Variants in EPCAM observed in about 807,000 individuals in gnomAD.
EPCAM encodes adenocarcinoma-associated antigen.
A neutral mutation model predicts 40.0 loss-of-function variants in EPCAM; 39 were observed. That is an observed-to-expected ratio of 0.98 (90% CI 0.76 to 1.27). The LOEUF is 1.27. Among genes scored for constraint, EPCAM ranks in the 50% most tolerant of loss-of-function variants. EPCAM has a pLI of 0.00. For missense variants in EPCAM, 503 were observed against 381.2 expected (o/e 1.32, Z -2.66); for synonymous variants, 168 against 132.3 (o/e 1.27, Z -1.85).
At chr2:47,377,816 T>G (rs1482766184) in intron 5 of EPCAM, 2 of 451,652 alleles carry the variant, frequency 4.4e-6, no homozygotes, top group Non-Finnish European at 9.0e-6. Context: ...TAGCCCTTAC[T>G]TAACTCTTTA....
At chr2:47,386,446 C>T (rs766245973) in intron 8 of EPCAM, 126 bp from the exon 9 acceptor site, 32 of 699,632 alleles carry the variant, frequency 4.6e-5, no homozygotes, top group Non-Finnish European at 7.4e-5. Flanking sequence ...TTAAATAAGT[C>T]TTATAAATGT....
intron 4 of EPCAM, among the ~76,000 whole-genome samples, chr2:47,375,685 A>T (rs1671404368): frequency 6.6e-6 from 1 of 151,176 alleles, no homozygotes; most frequent in Non-Finnish European, 1.5e-5. Context: ...AAACCACTAT[A>T]CAACGATCAA....
In EPCAM at chr2:47,373,941, G is replaced by GGCCAAAAGA; in HGVS notation, c.323_324insAAGAGCCAA (p.Lys108_Gln109insArgAlaLys). On this transcript the variant is annotated inframe_insertion, in exon 3 of 9. Coordinates refer to ENST00000263735, the MANE Select transcript of EPCAM (RefSeq NM_002354.3). ...ACTGCGATGAGAGCGGGCTCTTTAA[G>GGCCAAAAGA]GCCAAGCAGTGCAACGGCACCTCCA... is the stretch of plus-strand genomic sequence containing the variant. The GGCCAAAAGA allele has an allele frequency of 6.2e-7, 1 of 1,614,070 alleles. No homozygotes were observed. The highest frequency in any genetic ancestry group is 1.1e-5 in the South Asian group (1 of 91,080).
intron 7 of EPCAM, among the ~76,000 whole-genome samples, chr2:47,382,684 C>G (rs1320965136): frequency 2.0e-5 from 3 of 152,174 alleles, no homozygotes; most frequent in Middle Eastern, 3.4e-3. Flanking sequence ...AAAACTCTGT[C>G]TCAAAAAATG....
chr2:47,382,406 G>C (rs2103763618), intron 7 of EPCAM, among the ~76,000 whole-genome samples: 1 of 152,338 alleles, frequency 6.6e-6, no homozygotes, highest in African/African-American at 2.4e-5. Flanking sequence ...GGTGAATCTG[G>C]CCAGGCGTGG....
At chr2:47,371,640 G>C (rs892276381) in intron 1 of EPCAM, among the ~76,000 whole-genome samples, 1 of 152,188 alleles carries the variant, frequency 6.6e-6, no homozygotes, top group African/African-American at 2.4e-5. Flanking sequence ...GCTGCTACAG[G>C]TTTGTGCTCA....
intron 8 of EPCAM, 73 bp from the exon 9 acceptor site, chr2:47,386,499 A>G (rs778649772): frequency 3.6e-6 from 4 of 1,106,060 alleles, no homozygotes; most frequent in Non-Finnish European, 5.4e-6. Context: ...ATTTTTATTT[A>G]ATACTATTTT....
chr2:47,374,054 T>TATACTTGA lies in EPCAM; in HGVS notation c.425+6_425+7insATACTTGA. 6.2e-7 allele frequency: 1 copy of TATACTTGA among 1,614,044 alleles called. No homozygotes were observed. The highest frequency in any genetic ancestry group is 8.5e-7 in the Non-Finnish European group (1 of 1,179,990). Reference sequence around the variant, plus strand: ...TCTGAGCGAGTGAGAACCTAGTGAGTGGGGCTGCCTATACTACTTGTTTTC... The same window carrying TATACTTGA: ...TCTGAGCGAGTGAGAACCTAGTGAGTATACTTGAGGGGCTGCCTATACTACTTGTTTTC... On this transcript the variant is annotated splice_region_variant and intron_variant, in intron 3 of 8. Coordinates refer to ENST00000263735, the MANE Select transcript of EPCAM (RefSeq NM_002354.3).
chr2:47,371,493 T>A (rs1671266281), intron 1 of EPCAM, among the ~76,000 whole-genome samples: 1 of 152,210 alleles, frequency 6.6e-6, no homozygotes, highest in African/African-American at 2.4e-5. Flanking sequence ...CTGGAAGGGC[T>A]TTTACACTTT....
rs1671155375 is a variant in EPCAM, at chr2:47,369,435, C to A, written c.-71C>A. Reference sequence around the variant, plus strand: ...CGCTGCCCGGCCGGCTCCTCGTGTCCCACTCCCGGCGCACGCCCTCCCGCG... The same window carrying A: ...CGCTGCCCGGCCGGCTCCTCGTGTCACACTCCCGGCGCACGCCCTCCCGCG... On this transcript the variant is annotated 5_prime_UTR_variant, in exon 1 of 9. Transcript: ENST00000263735. 1 of 1,330,644 alleles carries A rather than the reference C, an allele frequency of 7.5e-7. No homozygotes were observed. The highest frequency in any genetic ancestry group is 9.7e-7 in the Non-Finnish European group (1 of 1,029,128). The allele number at this position is 1,330,644 out of a possible 1,614,324, so 82.4% of individuals were successfully genotyped here.
At chr2:47,382,189 A>G (rs1299007477) in intron 7 of EPCAM, among the ~76,000 whole-genome samples, 1 of 152,234 alleles carries the variant, frequency 6.6e-6, no homozygotes, top group East Asian at 1.9e-4. Flanking sequence ...TGGATATTAT[A>G]CATAATATAC....
chr2:47,369,651 C>A, intron 1 of EPCAM, 70 bp downstream of exon 1: 1 of 1,452,738 alleles, frequency 6.9e-7, no homozygotes, highest in Non-Finnish European at 9.5e-7. Flanking sequence ...CGGCCCTCGG[C>A]CCCCGAAACG....
At chr2:47,384,975 G>A (rs374690660) in intron 7 of EPCAM, among the ~76,000 whole-genome samples, 191 bp from the exon 8 acceptor site, 5 of 152,098 alleles carry the variant, frequency 3.3e-5, no homozygotes, top group South Asian at 4.2e-4. Context: ...CCAAAGTGCC[G>A]GGATTACAGG....
At chr2:47,369,701 C>G (rs949871689) in intron 1 of EPCAM, 120 bp downstream of exon 1, 1 of 1,060,512 alleles carries the variant, frequency 9.4e-7, no homozygotes, top group Non-Finnish European at 1.4e-6. Context: ...CGCTTTCCAG[C>G]GTGGAGACCG....
At position 47,377,392 on chromosome 2, in the gene EPCAM, A is replaced by G. The variant is rs554635729; in HGVS notation, c.555+315A>G. 6.6e-5 allele frequency among the ~76,000 whole-genome samples: 10 copies of G among 152,098 alleles called. 1 individual carries two copies. The South Asian group carries it at 1.7e-3, about 25-fold the overall frequency. ...GCTGGGACTACAGGCACATGTCACC[A>G]TGCCCAGCTAATTTTTGTATTTTTA... is the stretch of plus-strand genomic sequence containing the variant. On this transcript the variant is annotated intron_variant, in intron 5 of 8. Coordinates refer to ENST00000263735, the MANE Select transcript of EPCAM (RefSeq NM_002354.3).
intron 7 of EPCAM, among the ~76,000 whole-genome samples, chr2:47,382,992 C>G (rs1422628867): frequency 1.3e-5 from 2 of 150,650 alleles, no homozygotes; most frequent in African/African-American, 4.9e-5. Flanking sequence ...TGTTAAATTT[C>G]TTTCTTTTTT....
At chr2:47,374,851 T>G (rs757809085) in intron 3 of EPCAM, among the ~76,000 whole-genome samples, 6 of 152,170 alleles carry the variant, frequency 3.9e-5, no homozygotes, top group Non-Finnish European at 8.8e-5. Context: ...TTGGCCAGGC[T>G]GGTCTCCAAC....
chr2:47,379,077 C>T lies in EPCAM; in HGVS notation c.657+23C>T, dbSNP rs762780109. ...GATGTGAGTATCATCTTCTTTATTC[C>T]TGTGTTCAGGAATGTAGTCTATCAT... is the stretch of plus-strand genomic sequence containing the variant. On this transcript the variant is annotated intron_variant, in intron 6 of 8. Transcript: ENST00000263735. The T allele has an allele frequency of 3.3e-6, 4 of 1,222,230 alleles. No individual in the cohort carries two copies. The Admixed American group carries it at 5.0e-5, about 15-fold the overall frequency. 75.7% of individuals were successfully genotyped at this position (1,222,230 alleles called of 1,614,324 possible).
chr2:47,371,189 T>C (rs937524676), intron 1 of EPCAM, among the ~76,000 whole-genome samples: 2 of 152,198 alleles, frequency 1.3e-5, no homozygotes, highest in Non-Finnish European at 2.9e-5. Flanking sequence ...TGCACCGTTA[T>C]TCAAATGTTA....
Sources: gnomAD v4.1 joint callset for allele counts (sites outside exome capture counted in the v4.1 genomes callset) on GRCh38, gnomAD v4.1.1 for gene constraint, MANE v1.5 for transcripts, NCBI Gene and HGNC (gene_info 2026-07-23, HGNC 2026-07-21) for gene names.